DHRS4L2: variants seen among roughly 807,000 people sequenced by gnomAD.
DHRS4L2 encodes the protein dehydrogenase/reductase 4 like 2, also known as dehydrogenase/reductase SDR family member 4-like 2.
A neutral mutation model predicts 23.9 loss-of-function variants in DHRS4L2; 22 were observed. The ratio of observed to expected loss-of-function variants is 0.92; its 90% confidence interval spans 0.66 to 1.31. The LOEUF (loss-of-function observed/expected upper bound fraction) is 1.31. DHRS4L2 is among the 40% of genes most tolerant of loss of function. The probability of loss-of-function intolerance (pLI) is 0.00; values close to 1 mark genes in which losing one functional copy is unlikely to be tolerated. For synonymous variants in DHRS4L2, 141 were observed against 123.7 expected, an observed-to-expected ratio of 1.14 and a Z score of -0.93; for missense variants, 385 against 303.3, an observed-to-expected ratio of 1.27 and a Z score of -2.00.
intron 3 of DHRS4L2, 108 bp from the exon 4 acceptor site, chr14:24,000,755 T>C: frequency 3.2e-6 from 3 of 935,618 alleles, no homozygotes; most frequent in Non-Finnish European, 4.8e-6. Context: ...CCTAAGATCT[T>C]CGTCAGCTCT....
upstream of DHRS4L2, among the ~76,000 whole-genome samples, chr14:23,986,676 A>C (rs140806612): frequency 2.7e-3 from 404 of 151,578 alleles, 10 homozygotes; most frequent in African/African-American, 9.5e-3. Context: ...ACTTTCCTGG[A>C]ACCCTCAGCC....
chr14:23,988,999 C>A lies in DHRS4L2; in HGVS notation c.52C>A (p.Arg18=). The A allele has an allele frequency of 1.2e-6, 2 of 1,610,640 alleles. No individual in the cohort carries two copies. Among genetic ancestry groups the A allele is most frequent in the Non-Finnish European group, 1.7e-6 (2 of 1,178,346 alleles). Residue 18 remains arginine (R), a synonymous_variant, in exon 1 of 8, where the codon CGG becomes AGG. Transcript: ENST00000335125. ...GLCAWARKSV[R]MASSRMTRRD... is the part of the protein sequence containing the mutation. ...CTGTGCCTGGGCACGGAAGTCGGTG[C>A]GGATGGCCAGCTCCAGGATGACCCG...
chr14:23,990,908 A>G (rs1038109730), intron 2 of DHRS4L2: 13 of 846,182 alleles, frequency 1.5e-5, no homozygotes, highest in Admixed American at 1.2e-4. Flanking sequence ...AAAGACCCAG[A>G]CCTCCCAAGC....
chr14:23,987,522 G>T (rs1172895121), upstream of DHRS4L2, among the ~76,000 whole-genome samples: 1 of 151,594 alleles, frequency 6.6e-6, no homozygotes, highest in East Asian at 1.9e-4. Context: ...GTCATGCCTA[G>T]AACTGGATTT....
At chr14:23,979,635 G>A (rs1451701917) in intron 1 of DHRS4L2, among the ~76,000 whole-genome samples, 1 of 83,706 alleles carries the variant, frequency 1.2e-5, no homozygotes, top group Non-Finnish European at 1.9e-5. Context: ...TTAGAACTCA[G>A]ATTAAGAAAC....
At chr14:23,998,076 A>C (rs527598633) in intron 3 of DHRS4L2, among the ~76,000 whole-genome samples, 1 of 152,034 alleles carries the variant, frequency 6.6e-6, no homozygotes, top group South Asian at 2.1e-4. Context: ...CTCCTTGTAC[A>C]TCTCCATCAG....
intron 1 of DHRS4L2, among the ~76,000 whole-genome samples, chr14:23,989,586 T>C (rs547175522): frequency 1.3e-5 from 2 of 151,542 alleles, no homozygotes; most frequent in African/African-American, 4.8e-5. Flanking sequence ...CTCACCCACC[T>C]CTCTTGTCAG....
intron 3 of DHRS4L2, among the ~76,000 whole-genome samples, chr14:23,995,557 A>G (rs1387925668): frequency 6.6e-6 from 1 of 151,836 alleles, no homozygotes; most frequent in African/African-American, 2.4e-5. Context: ...AGTTATTTAA[A>G]ATACTAATTC....
chr14:23,986,807 C>A (rs1323538392), upstream of DHRS4L2, among the ~76,000 whole-genome samples: 1 of 151,434 alleles, frequency 6.6e-6, no homozygotes. Flanking sequence ...TGTACCCTCC[C>A]CCCAGCCCCA....
Position 23,993,235 on chromosome 14 carries a change from C to G in DHRS4L2, c.307-1797C>G, listed in dbSNP as rs555152889. Among the ~76,000 whole-genome samples, 92 of 151,658 alleles carry G rather than the reference C, an allele frequency of 6.1e-4. 1 individual carries two copies. Among genetic ancestry groups the G allele is most frequent in the East Asian group, 6.0e-3 (31 of 5,172 alleles). ...TTGGTGAGACTTACACAGAGCCAACCCAGGTGACTTGGCTTTGTGCCAGGA... is the reference window on the plus strand; with the variant it reads ...TTGGTGAGACTTACACAGAGCCAACGCAGGTGACTTGGCTTTGTGCCAGGA... On this transcript the variant is annotated intron_variant, in intron 2 of 7. Transcript: ENST00000335125.
At position 24,001,470 on chromosome 14, in the gene DHRS4L2, G is replaced by A. The variant is rs2138560624; in HGVS notation, c.618G>A (p.Arg206=). 2 of 1,604,758 alleles carry A rather than the reference G, an allele frequency of 1.2e-6. No individual in the cohort carries two copies. Among genetic ancestry groups the A allele is most frequent in the Non-Finnish European group, 1.7e-6 (2 of 1,178,634 alleles). ...LAIELAPRNI[R]VNCLHLDLSR... is the part of the protein sequence containing the mutation. ...TAGAGCTGGCCCCAAGGAACATTAG[G>A]GTGAACTGCCTGCACCTGGACTTAT... Residue 206 remains arginine (R), a synonymous_variant, in exon 6 of 8, where the codon AGG becomes AGA. Transcript: ENST00000335125.
upstream of DHRS4L2, among the ~76,000 whole-genome samples, chr14:23,988,300 C>T (rs139460417): frequency 6.9e-4 from 102 of 148,604 alleles, 2 homozygotes; most frequent in Middle Eastern, 3.5e-3. Context: ...GTCCCTTTGG[C>T]GAGGGATATG....
At chr14:23,974,497 G>C (rs1373049570) in intron 1 of DHRS4L2, among the ~76,000 whole-genome samples, 4 of 151,058 alleles carry the variant, frequency 2.6e-5, no homozygotes, top group Admixed American at 6.6e-5. Flanking sequence ...AAAATGGACT[G>C]CTAGCAAGAC....
At chr14:23,970,001 G>A (rs758800812) in exon 1 of DHRS4L2, 1 of 455,324 alleles carries the variant, frequency 2.2e-6, no homozygotes, top group Middle Eastern at 4.6e-4. Flanking sequence ...CTCACCGCCC[G>A]GGCTTTACTG....
Position 24,005,934 on chromosome 14 carries a change from T to C in DHRS4L2, c.*71T>C. 6.2e-7 allele frequency: 1 copy of C among 1,611,440 alleles called. No homozygotes were observed. Among genetic ancestry groups the C allele is most frequent in the Non-Finnish European group, 8.5e-7 (1 of 1,179,082 alleles). On this transcript the variant is annotated 3_prime_UTR_variant, in exon 8 of 8. Transcript: ENST00000335125. The stretch of plus-strand genomic sequence containing the variant: ...CTGGCATCGTGTCTTTCCTGTGCTC[T>C]GAAGATGCCAGCTACATCACTGGGG...
intron 3 of DHRS4L2, 142 bp from the exon 4 acceptor site, chr14:24,000,721 A>G (rs2034469016): frequency 1.3e-6 from 1 of 783,746 alleles, no homozygotes. Context: ...CAGTTCCTTC[A>G]TGTGTAAGAT....
chr14:23,981,856 G>A (rs1194272929), intron 1 of DHRS4L2, among the ~76,000 whole-genome samples: 5 of 151,760 alleles, frequency 3.3e-5, no homozygotes, highest in Admixed American at 6.6e-5. Flanking sequence ...AAACATCTCA[G>A]TGGAGTAAAG....
At chr14:23,989,127 C>A (rs1404477540) in intron 1 of DHRS4L2, 52 bp downstream of exon 1, 1 of 1,544,418 alleles carries the variant, frequency 6.5e-7, no homozygotes. Flanking sequence ...GAAACATGCA[C>A]TGGTGTCTCG....
chr14:23,995,974 G>C (rs898137053), intron 3 of DHRS4L2, among the ~76,000 whole-genome samples: 1 of 151,788 alleles, frequency 6.6e-6, no homozygotes, highest in Non-Finnish European at 1.5e-5. Flanking sequence ...ACTGCAGACT[G>C]TACAAGAAGC....
Sources: allele counts gnomAD v4.1 joint callset (sites outside exome capture counted in the v4.1 genomes callset), GRCh38; gene constraint gnomAD v4.1.1; transcripts MANE v1.5; gene names NCBI Gene and HGNC (gene_info 2026-07-23, HGNC 2026-07-21).